The following CTNNA2 variants were observed in gnomAD, a reference collection of about 807,000 sequenced individuals.
CTNNA2 encodes the protein catenin alpha 2.
CTNNA2 carries 42 observed loss-of-function variants against 101.0 expected under a neutral mutation model. The observed-to-expected ratio is 0.42, with a 90% CI of 0.32 to 0.54. The LOEUF is 0.54. Ranked by LOEUF, CTNNA2 falls within the 20% of genes least tolerant of loss-of-function variation. The pLI is 0.14. For synonymous variants in CTNNA2, 450 were observed against 456.4 expected, an observed-to-expected ratio of 0.99 and a Z score of 0.18; for missense variants, 871 against 1,223.1, an observed-to-expected ratio of 0.71 and a Z score of 4.29.
chr2:80,261,167 C>G (rs552070179), intron 7 of CTNNA2, among the ~76,000 whole-genome samples: 8 of 152,180 alleles, frequency 5.3e-5, no homozygotes, highest in African/African-American at 1.4e-4. Context: ...AAATATGGCT[C>G]TCCTCAGATG....
chr2:79,688,534 T>C (rs1313707715), intron 2 of CTNNA2, among the ~76,000 whole-genome samples: 3 of 151,988 alleles, frequency 2.0e-5, no homozygotes, highest in African/African-American at 7.2e-5. Context: ...AAATTAAAAA[T>C]TCAATGAGAA....
Position 79,470,730 on chromosome 2 carries a change from G to A in CTNNA2, c.-134-34324G>A, listed in dbSNP as rs1670988912. Among the ~76,000 whole-genome samples the A allele has an allele frequency of 2.0e-5, 3 of 152,060 alleles. No homozygotes were observed. In the South Asian group the frequency reaches 6.2e-4, roughly 32 times the overall value. The stretch of plus-strand genomic sequence containing the variant: ...CAACCGTTGCGTCCACCTCTGATTT[G>A]GAATCAATTATTGTAATTGAGTTGC... On this transcript the variant is annotated intron_variant, in intron 4 of 21. Transcript: ENST00000466387.
intron 1 of CTNNA2, among the ~76,000 whole-genome samples, chr2:79,544,429 T>C (rs770755258): frequency 6.6e-6 from 1 of 152,116 alleles, no homozygotes; most frequent in Non-Finnish European, 1.5e-5. Context: ...GAAACAAACT[T>C]TTCTTGGTAA....
At chr2:80,524,871 T>C (rs1287456290) in intron 9 of CTNNA2, among the ~76,000 whole-genome samples, 1 of 152,168 alleles carries the variant, frequency 6.6e-6, no homozygotes, top group Non-Finnish European at 1.5e-5. Flanking sequence ...TTTGACTTCA[T>C]TCGCTCTTTT....
intron 2 of CTNNA2, among the ~76,000 whole-genome samples, chr2:79,240,577 CAATT>C (rs757802958): frequency 3.3e-5 from 5 of 152,074 alleles, no homozygotes; most frequent in South Asian, 2.1e-4. Flanking sequence ...AATCTACTGT[CAATT>C]GATTGTTGGA....
intron 7 of CTNNA2, among the ~76,000 whole-genome samples, chr2:80,246,020 T>C (rs138062557): frequency 0.021 from 3,227 of 152,098 alleles, 118 homozygotes; most frequent in African/African-American, 0.073. Flanking sequence ...GGTCTCGATC[T>C]CCTGACCTCG....
intron 2 of CTNNA2, among the ~76,000 whole-genome samples, chr2:79,289,668 C>A (rs1675739778): frequency 1.3e-5 from 2 of 152,070 alleles, no homozygotes. Flanking sequence ...CTGCAGGAAC[C>A]CAGGAGCCAG....
chr2:80,244,015 A>C (rs1337566761), intron 7 of CTNNA2, among the ~76,000 whole-genome samples: 1 of 152,218 alleles, frequency 6.6e-6, no homozygotes, highest in Non-Finnish European at 1.5e-5. Context: ...ATCTCTGGCC[A>C]CACATCAAAG....
intron 3 of CTNNA2, among the ~76,000 whole-genome samples, chr2:79,359,129 C>A (rs1029268086): frequency 5.3e-5 from 8 of 151,990 alleles, no homozygotes; most frequent in African/African-American, 1.9e-4. Context: ...ATGAAACAGA[C>A]AACTTTTGAT....
chr2:80,234,267 A>G (rs1476049558), intron 7 of CTNNA2, among the ~76,000 whole-genome samples: 3 of 152,110 alleles, frequency 2.0e-5, no homozygotes, highest in African/African-American at 7.2e-5. Flanking sequence ...CCTGACCTCA[A>G]GTGATCCACC....
chr2:79,568,346 A>G lies in CTNNA2; in HGVS notation c.-6+55139A>G, dbSNP rs190856646. Among the ~76,000 whole-genome samples the G allele has an allele frequency of 1.8e-3, 268 of 152,282 alleles. 1 individual carries two copies. Among genetic ancestry groups the G allele is most frequent in the African/African-American group, 5.9e-3 (246 of 41,568 alleles). On this transcript the variant is annotated intron_variant, in intron 1 of 18. Transcript: ENST00000402739. Reference sequence around the variant, plus strand: ...CCTGGGCATGGTGGCTCACACCTGTAATCCCAGCACTTTGGGAGGCCCAGG... The same window carrying G: ...CCTGGGCATGGTGGCTCACACCTGTGATCCCAGCACTTTGGGAGGCCCAGG...
At chr2:79,795,269 T>A (rs533705762) in intron 3 of CTNNA2, among the ~76,000 whole-genome samples, 1 of 152,288 alleles carries the variant, frequency 6.6e-6, no homozygotes, top group African/African-American at 2.4e-5. Flanking sequence ...AGCAAAATTG[T>A]ATATTATGTT....
At chr2:80,360,811 A>G (rs1432669497) in intron 7 of CTNNA2, among the ~76,000 whole-genome samples, 1 of 152,124 alleles carries the variant, frequency 6.6e-6, no homozygotes. Flanking sequence ...AAGATTTCTC[A>G]TGTCATGGAG....
At chr2:80,111,726 G>A (rs143370216) in intron 7 of CTNNA2, among the ~76,000 whole-genome samples, 257 of 152,226 alleles carry the variant, frequency 1.7e-3, no homozygotes, top group African/African-American at 6.1e-3. Flanking sequence ...ACGTTTTGTA[G>A]AGATGGGGTC....
intron 4 of CTNNA2, chr2:79,866,629 A>C (rs557867665): frequency 6.6e-6 from 1 of 152,268 alleles, no homozygotes; most frequent in African/African-American, 2.4e-5. Context: ...CTTTCTTTCT[A>C]GTTCTGCCAG....
chr2:80,342,603 C>T (rs1191208499), intron 7 of CTNNA2, among the ~76,000 whole-genome samples: 1 of 152,108 alleles, frequency 6.6e-6, no homozygotes, highest in South Asian at 2.1e-4. Flanking sequence ...TAAAATGTTT[C>T]ATGCACTGAA....
chr2:79,972,503 C>A (rs1400139433), intron 7 of CTNNA2, among the ~76,000 whole-genome samples: 1 of 152,138 alleles, frequency 6.6e-6, no homozygotes, highest in Admixed American at 6.6e-5. Flanking sequence ...ATTTTAGGCA[C>A]TTTGACTGGC....
chr2:79,597,679 T>C (rs1483806854), intron 1 of CTNNA2, among the ~76,000 whole-genome samples: 1 of 152,050 alleles, frequency 6.6e-6, no homozygotes, highest in Non-Finnish European at 1.5e-5. Flanking sequence ...GCAGAAATTA[T>C]AGAGAGTTAC....
chr2:79,326,312 A>T (rs74479255), intron 3 of CTNNA2, among the ~76,000 whole-genome samples: 2 of 109,784 alleles, frequency 1.8e-5, no homozygotes, highest in East Asian at 5.6e-4. Context: ...AAAAAAAAAA[A>T]AACCAGACAT....
Sources: gnomAD v4.1 joint callset for allele counts (sites outside exome capture counted in the v4.1 genomes callset) on GRCh38, gnomAD v4.1.1 for gene constraint, MANE v1.5 for transcripts, NCBI Gene and HGNC (gene_info 2026-07-23, HGNC 2026-07-21) for gene names.